CCNY: variants seen among roughly 807,000 people sequenced by gnomAD.
CCNY encodes cyclin-Y.
A neutral mutation model predicts 42.8 loss-of-function variants in CCNY; 19 were observed. The observed-to-expected ratio is 0.44, with a 90% CI of 0.31 to 0.65. The LOEUF is 0.65. Among genes scored for constraint, CCNY ranks in the 30% least tolerant of loss-of-function variants. CCNY has a pLI of 0.07. For missense variants in CCNY, 370 were observed against 437.3 expected (o/e 0.85, Z 1.37); for synonymous variants, 165 against 162.7 (o/e 1.01, Z -0.11).
chr10:35,556,936 C>A (rs568211450), intron 8 of CCNY, among the ~76,000 whole-genome samples: 57 of 151,786 alleles, frequency 3.8e-4, no homozygotes, highest in Non-Finnish European at 6.6e-4. Context: ...ACTTCGCTTC[C>A]CGGGTTCAAG....
intron 3 of CCNY, among the ~76,000 whole-genome samples, chr10:35,502,466 G>A (rs906575064): frequency 6.6e-6 from 1 of 152,160 alleles, no homozygotes; most frequent in Non-Finnish European, 1.5e-5. Context: ...TCTGCCCTTT[G>A]AAAATATGGA....
At chr10:35,378,991 A>AC (rs1001779403) in intron 1 of CCNY, among the ~76,000 whole-genome samples, 6 of 152,264 alleles carry the variant, frequency 3.9e-5, no homozygotes, top group African/African-American at 1.4e-4. Context: ...GAGTTGATGC[A>AC]CCAATGCATT....
chr10:35,529,548 G>A (rs114919968), intron 5 of CCNY, among the ~76,000 whole-genome samples: 1,552 of 152,134 alleles, frequency 0.01, 31 homozygotes, highest in African/African-American at 0.035. Flanking sequence ...TAACCATTTA[G>A]CACTGACTTG....
At chr10:35,312,100 G>T (rs894167645) in intron 3 of CCNY, among the ~76,000 whole-genome samples, 6 of 152,150 alleles carry the variant, frequency 3.9e-5, no homozygotes, top group Non-Finnish European at 7.3e-5. Context: ...CATATTGGCT[G>T]GTCGCGGTGG....
chr10:35,499,123 G>GT (rs113523676), intron 2 of CCNY, among the ~76,000 whole-genome samples: 4,884 of 148,902 alleles, frequency 0.033, 238 homozygotes, highest in African/African-American at 0.11. Flanking sequence ...GTCTGCTGTA[G>GT]TTTTTTTTTT....
intron 4 of CCNY, among the ~76,000 whole-genome samples, chr10:35,521,850 A>G (rs1034846024): frequency 1.3e-5 from 2 of 152,074 alleles, no homozygotes; most frequent in African/African-American, 2.4e-5. Flanking sequence ...GGTCCCTTGG[A>G]TGGGGCTTCG....
In CCNY at chr10:35,307,760, ATGTGTGTGTGTGTGTGTG is replaced by A. The variant is rs60407989; in HGVS notation, c.-9+57158_-9+57175del. Among the ~76,000 whole-genome samples the A allele has an allele frequency of 4.6e-3, 529 of 116,178 alleles. 16 individuals are homozygous for A. The highest frequency in any genetic ancestry group is 0.017 in the African/African-American group (496 of 28,956). The allele number at this position is 116,178 out of a possible 152,430, so 76.2% of individuals were successfully genotyped here. A position where few individuals can be genotyped will look rare whatever the true frequency, so the allele number is the denominator to read the frequency against. On this transcript the variant is annotated intron_variant, in intron 3 of 11. Coordinates refer to the CCNY transcript ENST00000374706. ...TATATATACATATTGATGTGTATAT[ATGTGTGTGTGTGTGTGTG>A]TGTGTGTGTGTGTGTGTGTGTGTAT...
intron 1 of CCNY, among the ~76,000 whole-genome samples, chr10:35,380,973 T>C (rs972908337): frequency 3.9e-5 from 6 of 152,250 alleles, no homozygotes; most frequent in African/African-American, 1.4e-4. Flanking sequence ...AGTACCATTT[T>C]AACTCTGATA....
chr10:35,332,892 C>T (rs975460260), upstream of CCNY, among the ~76,000 whole-genome samples: 12 of 152,202 alleles, frequency 7.9e-5, no homozygotes, highest in Non-Finnish European at 1.3e-4. Context: ...GTGTGAACCA[C>T]CGCGCCCGGC....
In CCNY at chr10:35,377,809, TAAGTAAG is replaced by T. The variant is rs530465241; in HGVS notation, c.154+40606_154+40612del. On this transcript the variant is annotated intron_variant, in intron 1 of 9. Coordinates refer to ENST00000374704, the MANE Select transcript of CCNY (RefSeq NM_145012.6). ...TTAAAAAATCTTCAAAACAAAAAAT[TAAGTAAG>T]AAGAGTAGCATTACCTTACATTTCT... Among the ~76,000 whole-genome samples, 1,033 of 152,156 alleles carry T rather than the reference TAAGTAAG, an allele frequency of 6.8e-3. 11 individuals are homozygous for T. Among genetic ancestry groups the T allele is most frequent in the African/African-American group, 0.024 (987 of 41,430 alleles).
chr10:35,387,039 C>G (rs375671038), intron 1 of CCNY, among the ~76,000 whole-genome samples: 11 of 152,066 alleles, frequency 7.2e-5, no homozygotes, highest in Non-Finnish European at 1.2e-4. Flanking sequence ...TTATGCTCCC[C>G]CTGAGCTGCC....
chr10:35,435,529 G>A (rs923607273), intron 1 of CCNY, among the ~76,000 whole-genome samples: 1 of 152,136 alleles, frequency 6.6e-6, no homozygotes, highest in Non-Finnish European at 1.5e-5. Flanking sequence ...TATGAGAGAT[G>A]ATTTCTATAC....
rs1195229954 is a variant in CCNY at position 35,430,650 on chromosome 10, T to C, written c.155-52754T>C. 2.6e-5 allele frequency among the ~76,000 whole-genome samples: 4 copies of C among 152,202 alleles called. No homozygotes were observed. The South Asian group carries it at 6.2e-4, about 24-fold the overall frequency. ...ATTGAGGGTGGAAGTTTAACTGTTATTTCAATGTCCATTGGAATTGAGGAT... is the reference window on the plus strand; with the variant it reads ...ATTGAGGGTGGAAGTTTAACTGTTACTTCAATGTCCATTGGAATTGAGGAT... On this transcript the variant is annotated intron_variant, in intron 1 of 9. Coordinates refer to ENST00000374704, the MANE Select transcript of CCNY (RefSeq NM_145012.6).
chr10:35,529,872 A>C (rs1053008962), intron 5 of CCNY, 101 bp from the exon 6 acceptor site: 56 of 189,182 alleles, frequency 3.0e-4, no homozygotes, highest in South Asian at 6.4e-4. Flanking sequence ...TCCGTATCCC[A>C]AAAAAAAAAA....
At chr10:35,464,753 C>G (rs1839223617) in intron 1 of CCNY, among the ~76,000 whole-genome samples, 1 of 152,258 alleles carries the variant, frequency 6.6e-6, no homozygotes, top group South Asian at 2.1e-4. Flanking sequence ...CAGGGCCTCA[C>G]CATCGTGTTT....
At chr10:35,548,994 T>C (rs1841180990) in intron 7 of CCNY, among the ~76,000 whole-genome samples, 1 of 152,140 alleles carries the variant, frequency 6.6e-6, no homozygotes, top group Non-Finnish European at 1.5e-5. Flanking sequence ...CACAGAAAAG[T>C]AATCTGAACA....
intron 3 of CCNY, among the ~76,000 whole-genome samples, chr10:35,308,371 A>G (rs556200440): frequency 4.6e-5 from 7 of 152,160 alleles, no homozygotes; most frequent in Non-Finnish European, 2.9e-5. Context: ...TGAGCAACAC[A>G]GTGAGACTCC....
chr10:35,319,874 CG>C (rs1350923308), intron 3 of CCNY, among the ~76,000 whole-genome samples: 1 of 151,974 alleles, frequency 6.6e-6, no homozygotes, highest in Non-Finnish European at 1.5e-5. Context: ...TGCTTGAACC[CG>C]GGAGGCAAAG....
chr10:35,506,834 G>A (rs1038861912), intron 3 of CCNY, among the ~76,000 whole-genome samples: 2 of 152,206 alleles, frequency 1.3e-5, no homozygotes, highest in African/African-American at 4.8e-5. Flanking sequence ...TTTGTATATA[G>A]TGTTAGGATA....
Sources: gnomAD v4.1 joint callset for allele counts (sites outside exome capture counted in the v4.1 genomes callset) on GRCh38, gnomAD v4.1.1 for gene constraint, MANE v1.5 for transcripts, NCBI Gene and HGNC (gene_info 2026-07-23, HGNC 2026-07-21) for gene names.